Variants in VRK2 observed in about 807,000 individuals in gnomAD.
VRK2 encodes serine/threonine-protein kinase VRK2.
In VRK2, 60 loss-of-function variants were observed where a neutral mutation model predicts 57.6. That is an observed-to-expected ratio of 1.04 (90% CI 0.85 to 1.29). The LOEUF is 1.29. VRK2 is among the 50% of genes most tolerant of loss of function. The probability of loss-of-function intolerance (pLI) is 0.00; values close to 1 mark genes in which losing one functional copy is unlikely to be tolerated. For synonymous variants in VRK2, 231 were observed against 199.2 expected (o/e 1.16, Z -1.35); for missense variants, 705 against 588.1 (o/e 1.20, Z -2.06).
At chr2:58,096,459 GTGTC>G (rs1293601601) in intron 7 of VRK2, among the ~76,000 whole-genome samples, 7 of 151,810 alleles carry the variant, frequency 4.6e-5, no homozygotes, top group Non-Finnish European at 7.4e-5. Context: ...CTCTATTTGA[GTGTC>G]TGTTTTAGTT....
chr2:58,081,655 C>G (rs1007854718), intron 2 of VRK2, among the ~76,000 whole-genome samples: 2 of 151,738 alleles, frequency 1.3e-5, no homozygotes, highest in African/African-American at 4.8e-5. Context: ...TTGGATAACT[C>G]AAGGGCATTA....
intron 1 of VRK2, chr2:58,047,578 T>G (rs556488910): frequency 2.1e-6 from 1 of 479,956 alleles, no homozygotes; most frequent in Non-Finnish European, 2.7e-6. Flanking sequence ...CCTTAATCAG[T>G]AGTTTACACT....
rs1176645388 is a variant in VRK2, at chr2:58,123,379, G to C, written c.676+146G>C. ...TTTTTATCAAAAGTAATGAATTCCT[G>C]TTATGCCAATGAATATTTCTTCTAA... is the stretch of plus-strand genomic sequence containing the variant. On this transcript the variant is annotated intron_variant, in intron 8 of 12. Transcript: ENST00000340157. The C allele has an allele frequency of 1.4e-5, 13 of 948,064 alleles. 1 individual carries two copies. The South Asian group carries it at 2.4e-4, about 18-fold the overall frequency. 58.7% of individuals were successfully genotyped at this position (948,064 alleles called of 1,614,324 possible).
intron 1 of VRK2, among the ~76,000 whole-genome samples, chr2:57,927,107 C>G (rs1443394805): frequency 1.3e-5 from 2 of 150,656 alleles, no homozygotes; most frequent in Admixed American, 1.3e-4. Context: ...TGGATGACAA[C>G]TAAAGATTAA....
chr2:58,107,357 C>A lies in VRK2; in HGVS notation c.544-15744C>A, dbSNP rs553237140. 2.0e-5 allele frequency among the ~76,000 whole-genome samples: 3 copies of A among 152,058 alleles called. No homozygotes were observed. The East Asian group carries it at 5.8e-4, about 29-fold the overall frequency. ...GCTGTTCATACTGCAAAGTAACTGGCCTTTTTCAGTTTCTTGTGAATCCAT... is the reference window on the plus strand; with the variant it reads ...GCTGTTCATACTGCAAAGTAACTGGACTTTTTCAGTTTCTTGTGAATCCAT... On this transcript the variant is annotated intron_variant, in intron 7 of 12. Coordinates refer to ENST00000340157, the MANE Select transcript of VRK2 (RefSeq NM_006296.7).
intron 7 of VRK2, among the ~76,000 whole-genome samples, chr2:58,103,526 C>T (rs1446310492): frequency 6.6e-6 from 1 of 151,590 alleles, no homozygotes; most frequent in African/African-American, 2.4e-5. Context: ...AACATACAAC[C>T]TCTCAAGATT....
chr2:58,047,055 C>T (rs1674883415), intron 1 of VRK2, 187 bp downstream of exon 1: 1 of 880,456 alleles, frequency 1.1e-6, no homozygotes, highest in African/African-American at 1.8e-5. Flanking sequence ...TCTTTTTTCC[C>T]CGCTGGGAGT....
At chr2:57,954,185 C>A (rs1017284517) in intron 1 of VRK2, among the ~76,000 whole-genome samples, 1 of 152,086 alleles carries the variant, frequency 6.6e-6, no homozygotes, top group Admixed American at 6.6e-5. Flanking sequence ...ATTTAGTGGG[C>A]TTTTCAACAC....
In VRK2 at chr2:58,062,673, A is replaced by C. The variant is rs536687383; in HGVS notation, c.136+13706A>C. On this transcript the variant is annotated intron_variant, in intron 2 of 12. Transcript: ENST00000340157. ...AAAGCCTAATCCAGAGCAAGCTCCTAACTCTCTTCCATTCTGGGAAAGCTG... is the reference window on the plus strand; with the variant it reads ...AAAGCCTAATCCAGAGCAAGCTCCTCACTCTCTTCCATTCTGGGAAAGCTG... 1.1e-3 allele frequency among the ~76,000 whole-genome samples: 172 copies of C among 152,208 alleles called. 1 individual carries two copies. Among genetic ancestry groups the C allele is most frequent in the African/African-American group, 4.0e-3 (165 of 41,542 alleles).
At chr2:57,945,744 T>C (rs1320971883) in intron 1 of VRK2, among the ~76,000 whole-genome samples, 1 of 152,158 alleles carries the variant, frequency 6.6e-6, no homozygotes, top group African/African-American at 2.4e-5. Context: ...CTCTTGGCAA[T>C]GGGCAGGAAT....
chr2:57,938,907 G>C (rs1445020878), intron 1 of VRK2, among the ~76,000 whole-genome samples: 1 of 152,006 alleles, frequency 6.6e-6, no homozygotes, highest in Non-Finnish European at 1.5e-5. Flanking sequence ...ATGCTCCATG[G>C]TTAGTCTAAC....
At chr2:58,045,017 GCTGA>G, upstream of VRK2, among the ~76,000 whole-genome samples, 1 of 152,292 alleles carries the variant, frequency 6.6e-6, no homozygotes, top group African/African-American at 2.4e-5. Context: ...AATTATCCAG[GCTGA>G]CTGTCAATAG....
At chr2:57,921,942 A>G (rs948451676) in intron 1 of VRK2, among the ~76,000 whole-genome samples, 2 of 152,096 alleles carry the variant, frequency 1.3e-5, no homozygotes, top group African/African-American at 4.8e-5. Context: ...AATTACTTAT[A>G]CAATCCAAAT....
intron 1 of VRK2, chr2:58,048,521 C>T: frequency 4.6e-6 from 6 of 1,299,716 alleles, no homozygotes; most frequent in Non-Finnish European, 6.0e-6. Flanking sequence ...TTTCGTGTTT[C>T]TTAAGGTGTG....
At chr2:57,985,588 G>A (rs1338077128) in intron 1 of VRK2, among the ~76,000 whole-genome samples, 1 of 151,884 alleles carries the variant, frequency 6.6e-6, no homozygotes, top group African/African-American at 2.4e-5. Flanking sequence ...GAAACCTACA[G>A]CCAACATTAT....
intron 1 of VRK2, among the ~76,000 whole-genome samples, chr2:58,015,229 C>T (rs1027900802): frequency 1.5e-4 from 23 of 152,124 alleles, no homozygotes; most frequent in African/African-American, 5.3e-4. Context: ...CATTTTTCAT[C>T]TTAGGTTTGT....
At chr2:58,139,529 A>G in intron 10 of VRK2, 137 bp from the exon 11 acceptor site, 1 of 726,394 alleles carries the variant, frequency 1.4e-6, no homozygotes, top group Non-Finnish European at 2.2e-6. Flanking sequence ...AGTTATTTTC[A>G]TTGAATTGTT....
intron 1 of VRK2, among the ~76,000 whole-genome samples, chr2:57,976,644 A>G (rs1352503688): frequency 6.6e-6 from 1 of 152,086 alleles, no homozygotes; most frequent in Non-Finnish European, 1.5e-5. Context: ...CATAATTTGC[A>G]AATATATTCT....
At chr2:58,097,069 G>A (rs1422376441) in intron 7 of VRK2, among the ~76,000 whole-genome samples, 1 of 151,926 alleles carries the variant, frequency 6.6e-6, no homozygotes, top group Non-Finnish European at 1.5e-5. Flanking sequence ...TGCTTTAATT[G>A]TGACTTAAAA....
Sources: allele counts gnomAD v4.1 joint callset (sites outside exome capture counted in the v4.1 genomes callset), GRCh38; gene constraint gnomAD v4.1.1; transcripts MANE v1.5; gene names NCBI Gene and HGNC (gene_info 2026-07-23, HGNC 2026-07-21).